SGCZ: variants seen among roughly 807,000 people sequenced by gnomAD.
SGCZ encodes the protein sarcoglycan zeta.
A neutral mutation model predicts 41.3 loss-of-function variants in SGCZ; 40 were observed. The observed-to-expected ratio is 0.97, with a 90% confidence interval of 0.75 to 1.26. The LOEUF is 1.26. Among genes scored for constraint, SGCZ ranks in the 50% most tolerant of loss-of-function variants. The pLI is 0.00. For missense variants in SGCZ, 552 were observed against 369.8 expected (o/e 1.49, Z -4.04); for synonymous variants, 206 against 137.5 (o/e 1.50, Z -3.49).
intron 1 of SGCZ, among the ~76,000 whole-genome samples, chr8:15,018,349 G>A (rs2130938121): frequency 6.6e-6 from 1 of 152,250 alleles, no homozygotes; most frequent in South Asian, 2.1e-4. Context: ...ATGGATGAAG[G>A]CAATAAATGA....
intron 1 of SGCZ, among the ~76,000 whole-genome samples, chr8:14,688,903 A>T (rs188844080): frequency 1.3e-4 from 20 of 152,278 alleles, no homozygotes; most frequent in African/African-American, 4.1e-4. Flanking sequence ...CTGATAAGCA[A>T]CTTCAGCAAA....
chr8:15,203,681 T>C (rs1037473481), intron 1 of SGCZ, among the ~76,000 whole-genome samples: 2 of 152,178 alleles, frequency 1.3e-5, no homozygotes, highest in African/African-American at 4.8e-5. Context: ...GGAAAATAAA[T>C]GAATGGCCAA....
At chr8:14,749,601 T>C (rs762215160) in intron 1 of SGCZ, among the ~76,000 whole-genome samples, 2 of 152,148 alleles carry the variant, frequency 1.3e-5, no homozygotes, top group Non-Finnish European at 2.9e-5. Flanking sequence ...TTCTGGGACA[T>C]TTTTCAAAAG....
intron 1 of SGCZ, among the ~76,000 whole-genome samples, chr8:14,800,406 T>A (rs1251871175): frequency 2.0e-5 from 3 of 152,184 alleles, no homozygotes; most frequent in Non-Finnish European, 2.9e-5. Flanking sequence ...AAGGTGCATA[T>A]GAAAATGGAA....
At chr8:14,267,058 TATA>T (rs1227465374) in intron 3 of SGCZ, among the ~76,000 whole-genome samples, 3 of 152,250 alleles carry the variant, frequency 2.0e-5, no homozygotes, top group African/African-American at 4.8e-5. Context: ...CACTTTGTCT[TATA>T]ATATTTTTGT....
chr8:15,016,801 T>C, intron 1 of SGCZ, among the ~76,000 whole-genome samples: 1 of 152,292 alleles, frequency 6.6e-6, no homozygotes, highest in South Asian at 2.1e-4. Flanking sequence ...CATCTGCTTC[T>C]GGTGAGGGCC....
chr8:15,225,321 A>T (rs911985607), intron 1 of SGCZ, among the ~76,000 whole-genome samples: 5 of 152,180 alleles, frequency 3.3e-5, no homozygotes, highest in Admixed American at 6.5e-5. Flanking sequence ...AAAAAAAGAT[A>T]TATCTATCTC....
chr8:14,532,027 C>A (rs1803147798), intron 2 of SGCZ, among the ~76,000 whole-genome samples: 1 of 151,986 alleles, frequency 6.6e-6, no homozygotes, highest in African/African-American at 2.4e-5. Context: ...TTAATGGTTT[C>A]AAAATAGAAA....
At chr8:14,535,454 C>T (rs564540555) in intron 2 of SGCZ, among the ~76,000 whole-genome samples, 5 of 151,978 alleles carry the variant, frequency 3.3e-5, no homozygotes, top group African/African-American at 1.2e-4. Context: ...CCATGGATTT[C>T]ACTCGATTAG....
At chr8:14,256,552 G>T (rs1455517548) in intron 3 of SGCZ, among the ~76,000 whole-genome samples, 2 of 138,418 alleles carry the variant, frequency 1.4e-5, no homozygotes, top group Non-Finnish European at 3.3e-5. Flanking sequence ...ATGTTCAGTT[G>T]GAATTACTCT....
intron 4 of SGCZ, among the ~76,000 whole-genome samples, chr8:14,222,409 C>T (rs1048738177): frequency 6.6e-6 from 1 of 152,044 alleles, no homozygotes; most frequent in Non-Finnish European, 1.5e-5. Flanking sequence ...ACCTTGTGAT[C>T]CACCCACCTC....
At chr8:15,088,176 T>C (rs577195089) in intron 1 of SGCZ, among the ~76,000 whole-genome samples, 9 of 152,256 alleles carry the variant, frequency 5.9e-5, no homozygotes, top group Admixed American at 4.6e-4. Flanking sequence ...GATCATATTA[T>C]TGATTACCTA....
chr8:14,784,357 T>G (rs575079340), intron 1 of SGCZ, among the ~76,000 whole-genome samples: 58 of 152,070 alleles, frequency 3.8e-4, no homozygotes, highest in Admixed American at 1.6e-3. Context: ...TGGCCCCTTT[T>G]CAATTATGTA....
intron 3 of SGCZ, among the ~76,000 whole-genome samples, chr8:14,300,982 T>C (rs1038450035): frequency 6.6e-6 from 1 of 151,938 alleles, no homozygotes; most frequent in Non-Finnish European, 1.5e-5. Flanking sequence ...AGAAAAGATA[T>C]AGCCAGAAAG....
chr8:14,391,404 G>C (rs1322091533), intron 2 of SGCZ, among the ~76,000 whole-genome samples: 2 of 151,950 alleles, frequency 1.3e-5, no homozygotes, highest in African/African-American at 4.8e-5. Context: ...TAAGACTTTG[G>C]TCTATGTTGT....
At chr8:14,578,454 C>T (rs767597068) in intron 1 of SGCZ, among the ~76,000 whole-genome samples, 28 of 152,176 alleles carry the variant, frequency 1.8e-4, no homozygotes, top group Non-Finnish European at 3.2e-4. Flanking sequence ...AATGTAGGCT[C>T]ACATTTTCTG....
At chr8:14,687,149 T>A (rs1354567081) in intron 1 of SGCZ, among the ~76,000 whole-genome samples, 4 of 146,490 alleles carry the variant, frequency 2.7e-5, no homozygotes, top group Admixed American at 7.1e-5. Context: ...CCAAGGCTTT[T>A]ACTCACTTTA....
At chr8:14,969,932 C>A (rs1381021162) in intron 1 of SGCZ, among the ~76,000 whole-genome samples, 1 of 152,040 alleles carries the variant, frequency 6.6e-6, no homozygotes, top group African/African-American at 2.4e-5. Flanking sequence ...CAAGAAATTG[C>A]CAAACTATAT....
intron 2 of SGCZ, among the ~76,000 whole-genome samples, chr8:14,338,806 T>C (rs1228940671): frequency 2.6e-5 from 4 of 152,144 alleles, no homozygotes; most frequent in Non-Finnish European, 5.9e-5. Flanking sequence ...AATTCAAGTA[T>C]TGATGCTACA....
Sources: gnomAD v4.1 joint callset for allele counts (sites outside exome capture counted in the v4.1 genomes callset) on GRCh38, gnomAD v4.1.1 for gene constraint, MANE v1.5 for transcripts, NCBI Gene and HGNC (gene_info 2026-07-23, HGNC 2026-07-21) for gene names.